UNC5CL: variants seen among roughly 807,000 people sequenced by gnomAD.
The protein encoded by UNC5CL is unc-5 family C-terminal like.
In UNC5CL, 42 loss-of-function variants were observed where a neutral mutation model predicts 54.1. The observed-to-expected ratio is 0.78, with a 90% confidence interval of 0.61 to 1.00. The LOEUF (loss-of-function observed/expected upper bound fraction) is 1.00, where lower values mean the gene tolerates loss of function less well. Ranked by LOEUF, UNC5CL falls within the 50% of genes least tolerant of loss-of-function variation. The probability of loss-of-function intolerance (pLI) is 0.00; values close to 1 mark genes in which losing one functional copy is unlikely to be tolerated. For missense variants in UNC5CL, 619 were observed against 675.6 expected (o/e 0.92, Z 0.93); for synonymous variants, 285 against 285.1 (o/e 1.00, Z 0.00).
Position 41,026,927 on chromosome 6 carries a change from T to C in UNC5CL, c.*1446A>G, listed in dbSNP as rs1169729034. On this transcript the variant is annotated 3_prime_UTR_variant, in exon 9 of 9. Coordinates refer to ENST00000244565, the MANE Select transcript of UNC5CL (RefSeq NM_173561.3). ...ATTCATCATAGAAAAAAAGCTTTAA[T>C]ATTTTTTAATTAAATACAGAAGAAA... The C allele has an allele frequency of 6.6e-6, 1 of 152,234 alleles. No homozygotes were observed. The highest frequency in any genetic ancestry group is 1.5e-5 in the Non-Finnish European group (1 of 68,044). The allele number at this position is 152,234 out of a possible 1,614,324, so 9.4% of individuals were successfully genotyped here.
In UNC5CL at chr6:41,029,267, T is replaced by G. The variant is rs986741522; in HGVS notation, c.1335-672A>C. Among the ~76,000 whole-genome samples the G allele has an allele frequency of 3.9e-5, 6 of 152,222 alleles. No individual in the cohort carries two copies. Among genetic ancestry groups the G allele is most frequent in the Non-Finnish European group, 7.3e-5 (5 of 68,036 alleles). ...CTGCTACTCCCCAAAACAAAATGGCTGATCTCTTCCCCATCACTTCCTCCC... is the reference window on the plus strand; with the variant it reads ...CTGCTACTCCCCAAAACAAAATGGCGGATCTCTTCCCCATCACTTCCTCCC... On this transcript the variant is annotated intron_variant, in intron 8 of 8. Transcript: ENST00000244565. The surrounding 1 kb of genome is among the most constrained non-coding windows in gnomAD (Gnocchi z 4.1).
chr6:41,028,075 T>A lies in UNC5CL; in HGVS notation c.*298A>T. On this transcript the variant is annotated 3_prime_UTR_variant, in exon 9 of 9. Transcript: ENST00000244565. The surrounding 1 kb of genome is among the most constrained non-coding windows in gnomAD (Gnocchi z 4.3). ...CTTTAGGGCCTGACCGGCCCTAAAGTGCACGCGGGGACCGTGGCCGTCCCC... is the reference window on the plus strand; with the variant it reads ...CTTTAGGGCCTGACCGGCCCTAAAGAGCACGCGGGGACCGTGGCCGTCCCC... 2.2e-6 allele frequency: 1 copy of A among 445,710 alleles called. No individual in the cohort carries two copies. Among genetic ancestry groups the A allele is most frequent in the South Asian group, 3.0e-5 (1 of 32,952 alleles). 27.6% of individuals were successfully genotyped at this position (445,710 alleles called of 1,614,324 possible).
intron 4 of UNC5CL, among the ~76,000 whole-genome samples, chr6:41,032,644 GCA>G (rs1581976378): frequency 6.6e-6 from 1 of 152,162 alleles, no homozygotes; most frequent in East Asian, 1.9e-4. Context: ...ACCTGTAATT[GCA>G]GCTACTCAGG....
chr6:41,028,530 C>T lies in UNC5CL; in HGVS notation c.1400G>A (p.Ser467Asn). 2 of 1,613,908 alleles carry T rather than the reference C, an allele frequency of 1.2e-6. No homozygotes were observed. Among genetic ancestry groups the T allele is most frequent in the East Asian group, 2.2e-5 (1 of 44,866 alleles). Residue 467 changes from serine (S) to asparagine (N), a missense_variant, in exon 9 of 9, where the codon AGC (serine) becomes AAC (asparagine). Transcript: ENST00000244565. This position sits in a 1 kb window ranked among gnomAD's most constrained non-coding sequence, Gnocchi z 4.3. ...ILELFEEQNG[S>N]LQELHYLMTV... ...CATGAGGTAGTGCAGCTCCTGCAGG[C>T]TGCCGTTCTGCTCCTCAAACAACTC...
intron 3 of UNC5CL, among the ~76,000 whole-genome samples, chr6:41,033,418 G>A (rs1035064564): frequency 1.2e-4 from 18 of 152,174 alleles, no homozygotes; most frequent in African/African-American, 4.3e-4. Flanking sequence ...ACCCGCACAT[G>A]GCCCTATTCC....
At position 41,028,568 on chromosome 6, in the gene UNC5CL, T is replaced by A; in HGVS notation, c.1362A>T (p.Ala454=). The A allele has an allele frequency of 6.2e-7, 1 of 1,613,544 alleles. No homozygotes were observed. ...IRFLSCQRSP[A]AAILELFEEQ... Reference sequence around the variant, plus strand: ...CCTCAAACAACTCCAGGATGGCCGCTGCGGGGCTGCGCTGGCAGGACAGGA... The same window carrying A: ...CCTCAAACAACTCCAGGATGGCCGCAGCGGGGCTGCGCTGGCAGGACAGGA... Residue 454 remains alanine (A), a synonymous_variant, in exon 9 of 9, where the codon GCA becomes GCT. Coordinates refer to ENST00000244565, the MANE Select transcript of UNC5CL (RefSeq NM_173561.3). The surrounding 1 kb of genome is among the most constrained non-coding windows in gnomAD (Gnocchi z 4.3).
chr6:41,030,971 G>A (rs1365521287), intron 6 of UNC5CL, among the ~76,000 whole-genome samples: 1 of 152,128 alleles, frequency 6.6e-6, no homozygotes, highest in East Asian at 1.9e-4. Context: ...TTGCCCCTGA[G>A]CTCTTTGGGA....
In UNC5CL at chr6:41,034,145, A is replaced by G; in HGVS notation, c.422T>C (p.Leu141Ser). ...GTCCGACAGGTCCCACACCAGGATC[A>G]AAGACACCCGCTCCTGGCGGCCCAC... ...VAVGRQERVSLILVWDLSDAP... is the reference protein window; with the variant it reads ...VAVGRQERVSSILVWDLSDAP... Residue 141 changes from leucine to serine, a missense_variant, in exon 3 of 9, where the codon TTG becomes TCG. Leu to Ser is a moderately radical substitution (Grantham distance 145). Coordinates refer to ENST00000244565, the MANE Select transcript of UNC5CL (RefSeq NM_173561.3). 1 of 1,612,386 alleles carries G rather than the reference A, an allele frequency of 6.2e-7. No individual in the cohort carries two copies. Among genetic ancestry groups the G allele is most frequent in the Middle Eastern group, 1.7e-4 (1 of 5,996 alleles).
chr6:41,029,699 G>A lies in UNC5CL; in HGVS notation c.1334+689C>T, dbSNP rs1234362456. Reference sequence around the variant, plus strand: ...TAAAAATAAAAAATTAGCTGGACATGGTGGCGTGTGCCTGTAATCCCAGCT... The same window carrying A: ...TAAAAATAAAAAATTAGCTGGACATAGTGGCGTGTGCCTGTAATCCCAGCT... On this transcript the variant is annotated intron_variant, in intron 8 of 8. Coordinates refer to ENST00000244565, the MANE Select transcript of UNC5CL (RefSeq NM_173561.3). The surrounding 1 kb of genome is among the most constrained non-coding windows in gnomAD (Gnocchi z 4.1). 6.6e-6 allele frequency among the ~76,000 whole-genome samples: 1 copy of A among 152,216 alleles called. No homozygotes were observed. The highest frequency in any genetic ancestry group is 1.9e-4 in the East Asian group (1 of 5,204).
chr6:41,035,250 A>C, intron 1 of UNC5CL, 115 bp from the exon 2 acceptor site: 1 of 708,784 alleles, frequency 1.4e-6, no homozygotes. Context: ...TGCACACTTT[A>C]GTCACACCAA....
At chr6:41,031,178 G>C (rs1262967676) in intron 6 of UNC5CL, among the ~76,000 whole-genome samples, 4 of 152,136 alleles carry the variant, frequency 2.6e-5, no homozygotes, top group African/African-American at 9.7e-5. Flanking sequence ...GTGCCACTAT[G>C]GTTCCCCAAA....
chr6:41,032,972 A>T lies in UNC5CL; in HGVS notation c.861T>A (p.His287Gln). 6.2e-7 allele frequency: 1 copy of T among 1,603,496 alleles called. No individual in the cohort carries two copies. Among genetic ancestry groups the T allele is most frequent in the Non-Finnish European group, 8.5e-7 (1 of 1,175,042 alleles). ...GGCAGGGCCCACGCAGGCGCCCACCATGGGGCTGCTCGTTGGTCAGTGCCC... is the reference window on the plus strand; with the variant it reads ...GGCAGGGCCCACGCAGGCGCCCACCTTGGGGCTGCTCGTTGGTCAGTGCCC... ...LQWALTNEQP[H>Q]GGRLRGPCQL... Residue 287 changes from histidine (H) to glutamine (Q), a missense_variant, in exon 4 of 9, where the codon CAT becomes CAA. Physicochemically the swap from His to Gln is conservative, Grantham distance 24. Coordinates refer to ENST00000244565, the MANE Select transcript of UNC5CL (RefSeq NM_173561.3).
At chr6:41,038,253 C>A (rs1762545110) in intron 1 of UNC5CL, among the ~76,000 whole-genome samples, 1 of 152,124 alleles carries the variant, frequency 6.6e-6, no homozygotes, top group Non-Finnish European at 1.5e-5. Context: ...ATACCCACCC[C>A]ACTACACCAC....
In UNC5CL at chr6:41,035,105, C is replaced by A; in HGVS notation, c.-31G>T. 1 of 1,532,484 alleles carries A rather than the reference C, an allele frequency of 6.5e-7. No homozygotes were observed. The highest frequency in any genetic ancestry group is 8.8e-7 in the Non-Finnish European group (1 of 1,137,696). The allele number at this position is 1,532,484 out of a possible 1,614,324, so 94.9% of individuals were successfully genotyped here. On this transcript the variant is annotated 5_prime_UTR_variant, in exon 2 of 9. It adds an upstream start codon to the 5' untranslated region. Transcript: ENST00000244565. The stretch of plus-strand genomic sequence containing the variant: ...TGGTTACTCAATGCCGCTGGCTCTC[C>A]TTCACCCCTGTGCCAGCCAAAGCCA...
Position 41,028,642 on chromosome 6 carries a change from G to GA in UNC5CL, c.1335-48_1335-47insT. 1 of 1,566,402 alleles carries GA rather than the reference G, an allele frequency of 6.4e-7. No homozygotes were observed. Among genetic ancestry groups the GA allele is most frequent in the Non-Finnish European group, 8.7e-7 (1 of 1,150,428 alleles). ...AGAGAAGGGTGTAGGAGCAGGGAGGGGCTCCCCCCCTGCTGCAGGCTCCCT... is the reference window on the plus strand; with the variant it reads ...AGAGAAGGGTGTAGGAGCAGGGAGGGAGCTCCCCCCCTGCTGCAGGCTCCCT... On this transcript the variant is annotated intron_variant, in intron 8 of 8. Transcript: ENST00000244565. This position sits in a 1 kb window ranked among gnomAD's most constrained non-coding sequence, Gnocchi z 4.3.
chr6:41,034,986 C>A lies in UNC5CL; in HGVS notation c.89G>T (p.Cys30Phe). 1 of 1,609,186 alleles carries A rather than the reference C, an allele frequency of 6.2e-7. No homozygotes were observed. Among genetic ancestry groups the A allele is most frequent in the Non-Finnish European group, 8.5e-7 (1 of 1,175,946 alleles). ...PVASVLLLAQ[C>F]LRWHCPRRLL... ...CCTTCTAGGGCAGTGCCATCGAAGG[C>A]ATTGGGCCAGAAGGAGGACACTTGC... Residue 30 changes from cysteine to phenylalanine, a missense_variant, in exon 2 of 9, where the codon TGC (cysteine) becomes TTC (phenylalanine). By Grantham distance (205) the Cys-to-Phe change is radical (BLOSUM62 -2). Transcript: ENST00000244565.
chr6:41,031,569 A>T, intron 6 of UNC5CL, 112 bp downstream of exon 6: 1 of 1,083,898 alleles, frequency 9.2e-7, no homozygotes, highest in Non-Finnish European at 1.4e-6. Context: ...GGAAAGTGCC[A>T]TCTTTACCTA....
At chr6:41,033,253 G>A (rs527845526) in intron 3 of UNC5CL, 107 bp from the exon 4 acceptor site, 2 of 1,380,572 alleles carry the variant, frequency 1.4e-6, no homozygotes, top group East Asian at 4.9e-5. Flanking sequence ...GGCCTTCAAG[G>A]AGGTTCAGAG....
Position 41,030,687 on chromosome 6 carries a change from T to G in UNC5CL, c.1188A>C (p.Pro396=). ...QASEEESWAA[P]PPVSQPPPCN... is the part of the protein sequence containing the mutation. The stretch of plus-strand genomic sequence containing the variant: ...ATGGGGGCGGCTGGGAAACAGGTGG[T>G]GGCGCTGCCCAGGATTCCTCCTCTG... Residue 396 remains proline (P), a synonymous_variant, in exon 7 of 9, where the codon CCA becomes CCC. Coordinates refer to ENST00000244565, the MANE Select transcript of UNC5CL (RefSeq NM_173561.3). 1 of 1,614,100 alleles carries G rather than the reference T, an allele frequency of 6.2e-7. No individual in the cohort carries two copies. The highest frequency in any genetic ancestry group is 1.1e-5 in the South Asian group (1 of 91,086).
Sources: allele counts gnomAD v4.1 joint callset (sites outside exome capture counted in the v4.1 genomes callset), GRCh38; gene constraint gnomAD v4.1.1; non-coding constraint Gnocchi (gnomAD v3.1); transcripts MANE v1.5; gene names NCBI Gene and HGNC (gene_info 2026-07-23, HGNC 2026-07-21).